APBA1: variants seen among roughly 807,000 people sequenced by gnomAD.
APBA1 encodes amyloid beta precursor protein binding family A member 1, also known as amyloid-beta A4 precursor protein-binding family A member 1.
A neutral mutation model predicts 86.6 loss-of-function variants in APBA1; 55 were observed. The observed-to-expected ratio is 0.64, with a 90% CI of 0.51 to 0.80. The LOEUF (loss-of-function observed/expected upper bound fraction) is 0.80. Ranked by LOEUF, APBA1 falls within the 30% of genes least tolerant of loss-of-function variation. APBA1 has a pLI of 0.00. For synonymous variants in APBA1, 511 were observed against 493.9 expected (o/e 1.03, Z -0.46); for missense variants, 1,090 against 1,183.0 (o/e 0.92, Z 1.15).
At chr9:69,490,131 A>T (rs1835682316) in intron 2 of APBA1, among the ~76,000 whole-genome samples, 1 of 152,092 alleles carries the variant, frequency 6.6e-6, no homozygotes, top group Non-Finnish European at 1.5e-5. Flanking sequence ...TACACCATGG[A>T]ATACTATGCA....
intron 1 of APBA1, among the ~76,000 whole-genome samples, chr9:69,626,146 C>G (rs997046800): frequency 3.3e-5 from 5 of 152,166 alleles, no homozygotes; most frequent in African/African-American, 1.2e-4. Flanking sequence ...ATGTGGTTCA[C>G]AAGCTTATAA....
intron 1 of APBA1, among the ~76,000 whole-genome samples, chr9:69,575,980 G>A (rs912325511): frequency 1.3e-5 from 2 of 152,068 alleles, no homozygotes; most frequent in Non-Finnish European, 2.9e-5. Context: ...CTAATATCCA[G>A]AATCTACAAT....
intron 1 of APBA1, among the ~76,000 whole-genome samples, chr9:69,572,642 G>C (rs1285473647): frequency 6.6e-6 from 1 of 152,102 alleles, no homozygotes; most frequent in African/African-American, 2.4e-5. Context: ...GCCTGTCTTT[G>C]GGAGTCCTGG....
At chr9:69,526,941 G>A (rs151096404) in intron 1 of APBA1, among the ~76,000 whole-genome samples, 1 of 152,098 alleles carries the variant, frequency 6.6e-6, no homozygotes, top group Non-Finnish European at 1.5e-5. Flanking sequence ...CATGCATGCA[G>A]CTGGAGGCCA....
intron 1 of APBA1, among the ~76,000 whole-genome samples, chr9:69,543,245 C>T (rs976737442): frequency 1.3e-5 from 2 of 149,234 alleles, no homozygotes; most frequent in Admixed American, 1.3e-4. Flanking sequence ...GCAGCTGGCC[C>T]TCCACTTCCA....
chr9:69,501,862 T>C (rs1286894317), intron 2 of APBA1, among the ~76,000 whole-genome samples: 1 of 152,048 alleles, frequency 6.6e-6, no homozygotes, highest in Non-Finnish European at 1.5e-5. Flanking sequence ...ACACAATTTT[T>C]CTAAAGACTA....
At chr9:69,573,586 C>G (rs998972439) in intron 1 of APBA1, among the ~76,000 whole-genome samples, 9 of 152,128 alleles carry the variant, frequency 5.9e-5, no homozygotes, top group African/African-American at 2.2e-4. Context: ...GGTGTGATAT[C>G]TTTAGATTCT....
rs139841827 is a variant in APBA1, at chr9:69,608,363, A to T, written c.-70+63790T>A. On this transcript the variant is annotated intron_variant, in intron 1 of 12. Coordinates refer to ENST00000265381, the MANE Select transcript of APBA1 (RefSeq NM_001163.4). Reference sequence around the variant, plus strand: ...TCTGGTTTACTATTTATTTGATTGAAAGGAATTTTTGAGTCTATACCATCA... The same window carrying T: ...TCTGGTTTACTATTTATTTGATTGATAGGAATTTTTGAGTCTATACCATCA... Among the ~76,000 whole-genome samples, 413 of 152,328 alleles carry T rather than the reference A, an allele frequency of 2.7e-3. 1 individual carries two copies. Among genetic ancestry groups the T allele is most frequent in the African/African-American group, 9.5e-3 (393 of 41,566 alleles).
chr9:69,625,923 C>T (rs1822919360), intron 1 of APBA1, among the ~76,000 whole-genome samples: 2 of 152,048 alleles, frequency 1.3e-5, no homozygotes, highest in Admixed American at 6.6e-5. Context: ...GGCAGTATAT[C>T]CAGTGCTACC....
intron 2 of APBA1, among the ~76,000 whole-genome samples, chr9:69,504,683 G>T (rs1195663995): frequency 6.6e-6 from 1 of 151,998 alleles, no homozygotes; most frequent in Admixed American, 6.6e-5. Context: ...GAGTGGGTTG[G>T]ATTCTAAGCC....
intron 10 of APBA1, among the ~76,000 whole-genome samples, 178 bp from the exon 11 acceptor site, chr9:69,441,293 C>CCAG (rs1389968654): frequency 6.6e-6 from 1 of 152,208 alleles, no homozygotes; most frequent in Admixed American, 6.5e-5. Flanking sequence ...CTTCACCTAC[C>CCAG]CAGGGCTAAG....
intron 1 of APBA1, among the ~76,000 whole-genome samples, chr9:69,660,141 C>A (rs1473414156): frequency 6.6e-6 from 1 of 152,130 alleles, no homozygotes; most frequent in African/African-American, 2.4e-5. Context: ...GAAGAAATGT[C>A]AATTTACATA....
At chr9:69,584,244 T>C (rs548479957) in intron 1 of APBA1, among the ~76,000 whole-genome samples, 1 of 152,366 alleles carries the variant, frequency 6.6e-6, no homozygotes, top group African/African-American at 2.4e-5. Flanking sequence ...TGTAAAAGTA[T>C]ATTTATCATA....
At position 69,664,476 on chromosome 9, in the gene APBA1, T is replaced by C. The variant is rs141078689; in HGVS notation, c.-70+7677A>G. 2.6e-3 allele frequency among the ~76,000 whole-genome samples: 400 copies of C among 152,204 alleles called. 1 individual carries two copies. Among genetic ancestry groups the C allele is most frequent in the African/African-American group, 9.1e-3 (377 of 41,530 alleles). On this transcript the variant is annotated intron_variant, in intron 1 of 12. Coordinates refer to ENST00000265381, the MANE Select transcript of APBA1 (RefSeq NM_001163.4). ...AGTACTATATCTCAAAAAAGTTAGATAGAAATGAACATGACAAAAGTGGCC... is the reference window on the plus strand; with the variant it reads ...AGTACTATATCTCAAAAAAGTTAGACAGAAATGAACATGACAAAAGTGGCC...
chr9:69,535,601 C>T (rs1409269549), intron 1 of APBA1, among the ~76,000 whole-genome samples: 1 of 152,140 alleles, frequency 6.6e-6, no homozygotes, highest in African/African-American at 2.4e-5. Context: ...GCCCTTTTCT[C>T]TGGTTTTACT....
intron 10 of APBA1, among the ~76,000 whole-genome samples, chr9:69,447,789 A>G (rs532417383): frequency 3.9e-5 from 6 of 152,238 alleles, no homozygotes; most frequent in Admixed American, 1.3e-4. Context: ...GTCCACACAT[A>G]TTCTCAGAGC....
chr9:69,576,184 T>A (rs1821792908), intron 1 of APBA1, among the ~76,000 whole-genome samples: 1 of 152,138 alleles, frequency 6.6e-6, no homozygotes, highest in African/African-American at 2.4e-5. Flanking sequence ...GTTAGAATGG[T>A]GATCATTAAA....
chr9:69,598,561 G>GT (rs1045001922), intron 1 of APBA1, among the ~76,000 whole-genome samples: 6 of 152,134 alleles, frequency 3.9e-5, no homozygotes, highest in African/African-American at 1.2e-4. Flanking sequence ...GGTGGGGGTG[G>GT]TGGTGATAGG....
chr9:69,542,313 G>A (rs1327312996), intron 1 of APBA1, among the ~76,000 whole-genome samples: 2 of 152,194 alleles, frequency 1.3e-5, no homozygotes, highest in African/African-American at 2.4e-5. Context: ...CGCGCATGAT[G>A]TACACTCTAT....
Sources: gnomAD v4.1 joint callset for allele counts (sites outside exome capture counted in the v4.1 genomes callset) on GRCh38, gnomAD v4.1.1 for gene constraint, MANE v1.5 for transcripts, NCBI Gene and HGNC (gene_info 2026-07-23, HGNC 2026-07-21) for gene names.